MDFIC: variants seen among roughly 807,000 people sequenced by gnomAD.
MDFIC encodes the protein MyoD family inhibitor domain containing, also known as myoD family inhibitor domain-containing protein.
Under a neutral mutation model 23.2 loss-of-function variants are expected in MDFIC, and 17 were observed. The observed-to-expected ratio is 0.73, with a 90% confidence interval of 0.50 to 1.10. The LOEUF (loss-of-function observed/expected upper bound fraction) is 1.10. Ranked by LOEUF, MDFIC falls within the 50% of genes least tolerant of loss-of-function variation. The pLI is 0.00. For missense variants in MDFIC, 356 were observed against 316.6 expected, an observed-to-expected ratio of 1.12 and a Z score of -0.95; for synonymous variants, 120 against 115.2, an observed-to-expected ratio of 1.04 and a Z score of -0.27.
rs1029906620 is a variant in MDFIC at position 114,947,019 on chromosome 7, G to A, written c.217+4622G>A. 2.0e-5 allele frequency among the ~76,000 whole-genome samples: 3 copies of A among 152,154 alleles called. No individual in the cohort carries two copies. The East Asian group carries it at 5.8e-4, about 29-fold the overall frequency. On this transcript the variant is annotated intron_variant, in intron 3 of 4. Coordinates refer to ENST00000393486, the MANE Select transcript of MDFIC (RefSeq NM_001166345.3). ...TAGAACATTTTTACTTTGTTGGTAA[G>A]CAAAGAGCATTAAGAGGTTTGTATT...
intron 4 of MDFIC, chr7:115,014,253 C>A (rs1791745932): frequency 1.0e-6 from 1 of 985,362 alleles, no homozygotes; most frequent in East Asian, 1.1e-4. Flanking sequence ...AGGGATAGGC[C>A]TGCAGAGTTA....
rs548470114 is a variant in MDFIC at position 114,930,588 on chromosome 7, C to T, written c.94+7461C>T. ...AGGCTTTTCCTGTTTCTTTGAACCT[C>T]GTTTCCTGGATCTTGTTGAGATGAT... On this transcript the variant is annotated intron_variant, in intron 2 of 4. Coordinates refer to ENST00000393486, the MANE Select transcript of MDFIC (RefSeq NM_001166345.3). Among the ~76,000 whole-genome samples the T allele has an allele frequency of 2.6e-5, 4 of 152,238 alleles. No homozygotes were observed. The East Asian group carries it at 5.8e-4, about 22-fold the overall frequency.
chr7:115,011,190 TA>T, intron 4 of MDFIC, among the ~76,000 whole-genome samples: 1 of 152,138 alleles, frequency 6.6e-6, no homozygotes, highest in Admixed American at 6.5e-5. Flanking sequence ...TCACTCCCTC[TA>T]TGACCTTGGG....
intron 4 of MDFIC, among the ~76,000 whole-genome samples, chr7:114,997,654 A>G (rs1214189032): frequency 6.6e-6 from 1 of 151,666 alleles, no homozygotes; most frequent in African/African-American, 2.4e-5. Context: ...AGGCTGAGAC[A>G]GGAGCATCAC....
At chr7:115,005,983 C>A (rs903677023) in intron 4 of MDFIC, among the ~76,000 whole-genome samples, 2 of 152,200 alleles carry the variant, frequency 1.3e-5, no homozygotes, top group Non-Finnish European at 2.9e-5. Flanking sequence ...TTTCACTCTG[C>A]TTGCTTCGCT....
chr7:114,945,802 T>C (rs1792632322), intron 3 of MDFIC, among the ~76,000 whole-genome samples: 1 of 152,238 alleles, frequency 6.6e-6, no homozygotes. Context: ...GAAAAAAGTT[T>C]ATAATTGGAA....
chr7:114,945,248 T>TA (rs1396112067), intron 3 of MDFIC, among the ~76,000 whole-genome samples: 1 of 152,232 alleles, frequency 6.6e-6, no homozygotes, highest in African/African-American at 2.4e-5. Context: ...AGGCTGTTTT[T>TA]ACTTTTCTTT....
chr7:114,936,948 T>C (rs1792435579), intron 2 of MDFIC, among the ~76,000 whole-genome samples: 1 of 152,100 alleles, frequency 6.6e-6, no homozygotes, highest in Non-Finnish European at 1.5e-5. Flanking sequence ...AACATATTAG[T>C]TGAGTGGCTA....
intron 3 of MDFIC, among the ~76,000 whole-genome samples, chr7:114,971,031 C>A (rs1343235800): frequency 6.6e-6 from 1 of 152,172 alleles, no homozygotes; most frequent in Non-Finnish European, 1.5e-5. Flanking sequence ...ATGGCTGTAT[C>A]ACCTGTAGGT....
chr7:115,011,003 A>G (rs1043122309), intron 4 of MDFIC, among the ~76,000 whole-genome samples: 1 of 152,240 alleles, frequency 6.6e-6, no homozygotes, highest in Admixed American at 6.5e-5. Context: ...AAGGCTAAAA[A>G]CAGATAGATG....
At position 114,961,621 on chromosome 7, in the gene MDFIC, C is replaced by T. The variant is rs890219666; in HGVS notation, c.218-17885C>T. On this transcript the variant is annotated intron_variant, in intron 3 of 4. Transcript: ENST00000393486. ...GCATATGCATGCTGTACAGAAAGCA[C>T]TGCTGGGGAGGCCTCAGAAAACTCA... Among the ~76,000 whole-genome samples, 6 of 152,106 alleles carry T rather than the reference C, an allele frequency of 3.9e-5. No individual in the cohort carries two copies. The East Asian group carries it at 9.6e-4, about 24-fold the overall frequency.
Position 115,015,977 on chromosome 7 carries a change from A to C in MDFIC, c.*42A>C, listed in dbSNP as rs1025689061. 27 of 1,574,278 alleles carry C rather than the reference A, an allele frequency of 1.7e-5. 1 individual carries two copies. Among genetic ancestry groups the C allele is most frequent in the Non-Finnish European group, 1.9e-5 (22 of 1,161,028 alleles). Reference sequence around the variant, plus strand: ...TGTGTTAAAACTGGAGAGTGTTTAAAAATTTCCTTTTGGGGGGAAGAAAAG... The same window carrying C: ...TGTGTTAAAACTGGAGAGTGTTTAACAATTTCCTTTTGGGGGGAAGAAAAG... On this transcript the variant is annotated 3_prime_UTR_variant, in exon 5 of 5. Coordinates refer to ENST00000393486, the MANE Select transcript of MDFIC (RefSeq NM_001166345.3).
At chr7:114,943,403 A>G (rs1157757042) in intron 3 of MDFIC, among the ~76,000 whole-genome samples, 5 of 152,188 alleles carry the variant, frequency 3.3e-5, no homozygotes, top group African/African-American at 1.2e-4. Context: ...TTAGGAGAAA[A>G]TAAACAACAA....
intron 3 of MDFIC, among the ~76,000 whole-genome samples, chr7:114,960,198 T>C (rs1348489755): frequency 6.6e-6 from 1 of 152,118 alleles, no homozygotes. Flanking sequence ...AAAATCGAAA[T>C]GGAAATATTT....
intron 3 of MDFIC, among the ~76,000 whole-genome samples, chr7:114,975,346 T>C (rs1190876148): frequency 6.6e-6 from 1 of 152,104 alleles, no homozygotes; most frequent in Non-Finnish European, 1.5e-5. Context: ...AGGCAGAAGA[T>C]AGCAGTGCAC....
chr7:115,003,412 C>A (rs1791502256), intron 4 of MDFIC, among the ~76,000 whole-genome samples: 1 of 152,180 alleles, frequency 6.6e-6, no homozygotes, highest in South Asian at 2.1e-4. Flanking sequence ...ATATTTTAAA[C>A]CAAACTGTTT....
intron 3 of MDFIC, among the ~76,000 whole-genome samples, chr7:114,950,536 G>C (rs912297072): frequency 6.6e-6 from 1 of 152,274 alleles, no homozygotes; most frequent in East Asian, 1.9e-4. Context: ...TAAGTTTCCT[G>C]TTGTTTCAGA....
chr7:114,947,143 C>T (rs1792662207), intron 3 of MDFIC, among the ~76,000 whole-genome samples: 1 of 152,120 alleles, frequency 6.6e-6, no homozygotes, highest in African/African-American at 2.4e-5. Context: ...ATCAACCAGC[C>T]CCTAGATAAC....
intron 2 of MDFIC, among the ~76,000 whole-genome samples, chr7:114,925,562 T>C (rs560133818): frequency 2.6e-5 from 4 of 152,270 alleles, no homozygotes; most frequent in African/African-American, 9.6e-5. Context: ...TTGAAAATAG[T>C]TACAGAGCAG....
Sources: allele counts gnomAD v4.1 joint callset (sites outside exome capture counted in the v4.1 genomes callset), GRCh38; gene constraint gnomAD v4.1.1; transcripts MANE v1.5; gene names NCBI Gene and HGNC (gene_info 2026-07-23, HGNC 2026-07-21).